The following PBX3 variants were observed in gnomAD, a reference collection of about 807,000 sequenced individuals.
PBX3 encodes PBX homeobox 3, also known as pre-B-cell leukemia transcription factor 3.
In PBX3, 14 loss-of-function variants were observed where a neutral mutation model predicts 48.5. That is an observed-to-expected ratio of 0.29 (90% CI 0.19 to 0.45). PBX3 has a LOEUF of 0.45. Among genes scored for constraint, PBX3 ranks in the 20% least tolerant of loss-of-function variants. The pLI is 1.00. For missense variants in PBX3, 386 were observed against 546.7 expected (o/e 0.71, Z 2.93); for synonymous variants, 210 against 200.3 (o/e 1.05, Z -0.41).
chr9:125,919,184 G>T (rs2132478348), intron 3 of PBX3, among the ~76,000 whole-genome samples: 1 of 151,884 alleles, frequency 6.6e-6, no homozygotes, highest in Non-Finnish European at 1.5e-5. Context: ...CATTTGAAAT[G>T]GGAATAGAGC....
chr9:125,763,503 G>A (rs1836723514), intron 2 of PBX3, among the ~76,000 whole-genome samples: 1 of 152,210 alleles, frequency 6.6e-6, no homozygotes, highest in African/African-American at 2.4e-5. Context: ...GAAGGGTTGG[G>A]CCTGTTCTCA....
intron 2 of PBX3, among the ~76,000 whole-genome samples, chr9:125,909,292 G>C (rs2132446845): frequency 6.6e-6 from 1 of 152,228 alleles, no homozygotes; most frequent in Non-Finnish European, 1.5e-5. Flanking sequence ...TCTGTAAACA[G>C]TTGGCTAAAA....
intron 2 of PBX3, among the ~76,000 whole-genome samples, chr9:125,859,247 G>A (rs1410733461): frequency 1.3e-5 from 2 of 152,154 alleles, no homozygotes; most frequent in Non-Finnish European, 2.9e-5. Flanking sequence ...GCTAAAGTCG[G>A]TCTTCCCTGT....
At chr9:125,791,179 G>C (rs1837592231) in intron 2 of PBX3, among the ~76,000 whole-genome samples, 1 of 152,130 alleles carries the variant, frequency 6.6e-6, no homozygotes, top group South Asian at 2.1e-4. Context: ...GCCTCCCAAA[G>C]TGCTGGGATT....
intron 2 of PBX3, among the ~76,000 whole-genome samples, chr9:125,764,506 A>G (rs1836753318): frequency 2.0e-5 from 3 of 152,216 alleles, no homozygotes; most frequent in South Asian, 2.1e-4. Context: ...TAGCTGGTTC[A>G]TATTTTGCTA....
chr9:125,852,797 C>A (rs1588220134), intron 2 of PBX3, among the ~76,000 whole-genome samples: 1 of 152,054 alleles, frequency 6.6e-6, no homozygotes. Flanking sequence ...TGAGACATTT[C>A]TTCTGCTTTT....
chr9:125,807,168 A>G (rs769630599), intron 2 of PBX3, among the ~76,000 whole-genome samples: 2 of 152,158 alleles, frequency 1.3e-5, no homozygotes, highest in Non-Finnish European at 2.9e-5. Flanking sequence ...AGTAAAAAGT[A>G]CATAAATTAG....
intron 2 of PBX3, among the ~76,000 whole-genome samples, chr9:125,850,590 A>G (rs937317453): frequency 1.3e-5 from 2 of 152,088 alleles, no homozygotes; most frequent in Admixed American, 6.6e-5. Context: ...TGCAATTGGT[A>G]TAAGTATGAA....
At chr9:125,748,449 A>T (rs1336522946) in intron 1 of PBX3, 101 bp from the exon 2 acceptor site, 1 of 1,530,214 alleles carries the variant, frequency 6.5e-7, no homozygotes, top group African/African-American at 1.4e-5. Flanking sequence ...GCCTTCCAGA[A>T]TGGGGGGCTG....
intron 2 of PBX3, among the ~76,000 whole-genome samples, chr9:125,879,077 C>CTTTT (rs36094728): frequency 4.0e-5 from 5 of 124,618 alleles, no homozygotes; most frequent in East Asian, 2.3e-4. Context: ...ACATGCTATT[C>CTTTT]TTTTTTTTTT....
At chr9:125,866,926 A>G (rs1387687476) in intron 2 of PBX3, among the ~76,000 whole-genome samples, 1 of 152,030 alleles carries the variant, frequency 6.6e-6, no homozygotes, top group Non-Finnish European at 1.5e-5. Context: ...TGCTTTTTTC[A>G]CCCCTAAGTC....
At chr9:125,963,221 C>A in intron 8 of PBX3, 120 bp downstream of exon 8, 1 of 512,348 alleles carries the variant, frequency 2.0e-6, no homozygotes, top group Non-Finnish European at 3.5e-6. Flanking sequence ...AAGGCAGCGT[C>A]TTTGCTGCAC....
In PBX3 at chr9:125,770,517, A is replaced by G. The variant is rs900829039; in HGVS notation, c.274+21894A>G. Among the ~76,000 whole-genome samples the G allele has an allele frequency of 3.3e-5, 5 of 152,304 alleles. No homozygotes were observed. The East Asian group carries it at 9.6e-4, about 29-fold the overall frequency. ...TCATACTTTAGAAGGAAGGAATACT[A>G]TTCAGTAAGGAAAAAATGACCCCCA... On this transcript the variant is annotated intron_variant, in intron 2 of 8. Coordinates refer to ENST00000373489, the MANE Select transcript of PBX3 (RefSeq NM_006195.6).
chr9:125,930,609 C>A (rs189434213), intron 4 of PBX3, among the ~76,000 whole-genome samples: 1 of 152,270 alleles, frequency 6.6e-6, no homozygotes, highest in East Asian at 1.9e-4. Flanking sequence ...TAATTATCAT[C>A]CAAATCTCAC....
chr9:125,875,555 G>GA, intron 2 of PBX3, among the ~76,000 whole-genome samples: 1 of 152,178 alleles, frequency 6.6e-6, no homozygotes, highest in East Asian at 1.9e-4. Flanking sequence ...GCAGAGATTT[G>GA]AAAAAATTGG....
chr9:125,877,765 C>T (rs1298380799), intron 2 of PBX3, among the ~76,000 whole-genome samples: 1 of 152,184 alleles, frequency 6.6e-6, no homozygotes, highest in Non-Finnish European at 1.5e-5. Context: ...TCTGTATCAT[C>T]GTTAATATCA....
chr9:125,817,501 A>C (rs1838500602), intron 2 of PBX3, among the ~76,000 whole-genome samples: 1 of 152,194 alleles, frequency 6.6e-6, no homozygotes, highest in Admixed American at 6.5e-5. Flanking sequence ...ACACACACAC[A>C]CATTAATTTC....
At chr9:125,771,500 C>T (rs943019187) in intron 2 of PBX3, among the ~76,000 whole-genome samples, 1 of 152,114 alleles carries the variant, frequency 6.6e-6, no homozygotes, top group Non-Finnish European at 1.5e-5. Context: ...CATGGCTTGT[C>T]AAAGATTAAT....
chr9:125,858,621 CA>C (rs1423750094), intron 2 of PBX3, among the ~76,000 whole-genome samples: 1 of 78,872 alleles, frequency 1.3e-5, no homozygotes, highest in African/African-American at 4.1e-5. Context: ...GACTTTGGTC[CA>C]TTTTTTTTTT....
Sources: gnomAD v4.1 joint callset for allele counts (sites outside exome capture counted in the v4.1 genomes callset) on GRCh38, gnomAD v4.1.1 for gene constraint, MANE v1.5 for transcripts, NCBI Gene and HGNC (gene_info 2026-07-23, HGNC 2026-07-21) for gene names.